The following FER1L5 variants were observed in gnomAD, a reference collection of about 807,000 sequenced individuals.
FER1L5 encodes fer-1 like family member 5.
FER1L5 carries 187 observed loss-of-function variants against 279.9 expected under a neutral mutation model. The observed-to-expected ratio is 0.67, with a 90% CI of 0.59 to 0.75. The LOEUF (loss-of-function observed/expected upper bound fraction) is 0.75. Among genes scored for constraint, FER1L5 ranks in the 30% least tolerant of loss-of-function variants. The pLI is 0.00. For synonymous variants in FER1L5, 921 were observed against 989.7 expected (o/e 0.93, Z 1.30); for missense variants, 2,091 against 2,594.4 (o/e 0.81, Z 4.21).
intron 45 of FER1L5, among the ~76,000 whole-genome samples, 162 bp downstream of exon 45, chr2:96,700,633 G>A (rs1335260989): frequency 1.3e-5 from 2 of 152,198 alleles, no homozygotes; most frequent in African/African-American, 2.4e-5. Flanking sequence ...ACATTAATAA[G>A]CAAGAAGTTC....
Position 96,659,364 on chromosome 2 carries a change from T to TC in FER1L5, c.748-976dup, listed in dbSNP as rs1491129824. On this transcript the variant is annotated intron_variant, in intron 9 of 52. Transcript: ENST00000624922. ...TTCCTTCCTTCCTTCCTTCCTTCCT[T>TC]CTTTCTTTCTTTCTTTCTTTCTTTC... Among the ~76,000 whole-genome samples, 126 of 20,690 alleles carry TC rather than the reference T, an allele frequency of 6.1e-3. 3 individuals are homozygous for TC. The highest frequency in any genetic ancestry group is 7.8e-3 in the East Asian group (3 of 384). The allele number at this position is 20,690 out of a possible 152,430, so 13.6% of individuals were successfully genotyped here.
At position 96,686,232 on chromosome 2, in the gene FER1L5, T is replaced by A; in HGVS notation, c.2111T>A (p.Val704Glu). The change falls in exon 23 of 53, where the codon GTG (valine) becomes GAG (glutamate). Residue 704 changes from valine (V) to glutamate (E), a missense_variant. Transcript: ENST00000624922. Reference protein sequence around the residue: ...MGLPDVMIWLVAKEQRVAYAQ... With the variant: ...MGLPDVMIWLEAKEQRVAYAQ... ...CTCCCTGACGTGATGATTTGGCTGG[T>A]GGCCAAGGAGCAGCGAGTGGCCTAT... 1 of 1,551,342 alleles carries A rather than the reference T, an allele frequency of 6.4e-7. No homozygotes were observed. The highest frequency in any genetic ancestry group is 8.7e-7 in the Non-Finnish European group (1 of 1,146,766).
Position 96,694,242 on chromosome 2 carries a change from T to TG in FER1L5, c.3637-117dup. On this transcript the variant is annotated intron_variant, in intron 33 of 52. Transcript: ENST00000624922. The surrounding 1 kb of genome is among the most constrained non-coding windows in gnomAD (Gnocchi z 4.6). ...GACCAGCCTCTCCCCTAAGTCCCCC[T>TG]GCCAGCCCCTACCCATGGGGCTCTG... 1 of 1,298,960 alleles carries TG rather than the reference T, an allele frequency of 7.7e-7. No homozygotes were observed. The highest frequency in any genetic ancestry group is 1.5e-5 in the South Asian group (1 of 65,306). The allele number at this position is 1,298,960 out of a possible 1,614,324, so 80.5% of individuals were successfully genotyped here. A position where few individuals can be genotyped will look rare whatever the true frequency, so the allele number is the denominator to read the frequency against.
chr2:96,701,915 G>A, intron 45 of FER1L5, 40 bp from the exon 46 acceptor site: 1 of 1,603,860 alleles, frequency 6.2e-7, no homozygotes, highest in East Asian at 2.2e-5. Flanking sequence ...TGAGAACAGA[G>A]GCTAGCAACC....
chr2:96,671,105 T>TAAAAAAAAAAAAAAAA (rs2076308124), intron 18 of FER1L5, among the ~76,000 whole-genome samples: 1 of 6,648 alleles, frequency 1.5e-4, no homozygotes, highest in East Asian at 3.9e-3. Flanking sequence ...AGACTCCATC[T>TAAAAAAAAAAAAAAAA]CAAAAAAAAA....
At chr2:96,650,723 C>T (rs2075324084) in intron 6 of FER1L5, among the ~76,000 whole-genome samples, 3 of 152,174 alleles carry the variant, frequency 2.0e-5, no homozygotes, top group Admixed American at 1.3e-4. Context: ...AACCCTCATC[C>T]CATGGCTTAT....
rs1157881137 is a variant in FER1L5, at chr2:96,669,139, T to A, written c.1362+2T>A. 1 of 1,551,240 alleles carries A rather than the reference T, an allele frequency of 6.4e-7. No homozygotes were observed. The highest frequency in any genetic ancestry group is 8.7e-7 in the Non-Finnish European group (1 of 1,146,894). On this transcript the variant is annotated splice_donor_variant, in intron 17 of 52. Transcript: ENST00000624922. LOFTEE classifies it high-confidence loss of function. ...TTCAGGATCCAGGAAGAAGGCGCTG[T>A]AAGCTTCTCACATCAGCTCTAGGGT... is the stretch of plus-strand genomic sequence containing the variant.
chr2:96,661,305 T>A lies in FER1L5; in HGVS notation c.779-20T>A. On this transcript the variant is annotated intron_variant, in intron 10 of 52. Coordinates refer to ENST00000624922, the MANE Select transcript of FER1L5 (RefSeq NM_001293083.2). ...AAGGAGGCTGCAGGCAGATCTCCCA[T>A]GGCCTTTCTGCCTCTCTAGGTCACA... 6.6e-7 allele frequency: 1 copy of A among 1,504,500 alleles called. No individual in the cohort carries two copies. Among genetic ancestry groups the A allele is most frequent in the Non-Finnish European group, 8.9e-7 (1 of 1,118,458 alleles). The allele number at this position is 1,504,500 out of a possible 1,614,324, so 93.2% of individuals were successfully genotyped here.
chr2:96,662,397 C>G (rs546338980), intron 13 of FER1L5, 130 bp downstream of exon 13: 15 of 838,630 alleles, frequency 1.8e-5, no homozygotes, highest in South Asian at 1.1e-4. Flanking sequence ...AGTATGCACC[C>G]CTGCACCTGG....
In FER1L5 at chr2:96,663,462, A is replaced by G. The variant is rs1188114278; in HGVS notation, c.1095A>G (p.Gln365=). 1.7e-5 allele frequency: 27 copies of G among 1,551,494 alleles called. No homozygotes were observed. Among genetic ancestry groups the G allele is most frequent in the Non-Finnish European group, 2.4e-5 (27 of 1,146,950 alleles). ...GEKLRTHMQT[Q]TDNPIWNQIL... ...AGCTCAGGACACACATGCAGACCCA[A>G]ACCGACAACCCGATATGGAACCAGA... Residue 365 remains glutamine (Q), a synonymous_variant, in exon 14 of 53, where the codon CAA becomes CAG. Transcript: ENST00000624922.
At chr2:96,649,983 G>A (rs934911281) in intron 5 of FER1L5, among the ~76,000 whole-genome samples, 197 bp from the exon 6 acceptor site, 1 of 152,182 alleles carries the variant, frequency 6.6e-6, no homozygotes, top group Non-Finnish European at 1.5e-5. Flanking sequence ...GTGGAGCAGG[G>A]TCCAGGGATC....
Position 96,696,027 on chromosome 2 carries a change from T to C in FER1L5, c.4058-25T>C, listed in dbSNP as rs1463933413. On this transcript the variant is annotated intron_variant, in intron 36 of 52. Coordinates refer to ENST00000624922, the MANE Select transcript of FER1L5 (RefSeq NM_001293083.2). ...CTCAGCCCTCTCCCCATCCTGAGAC[T>C]CGTCCCTGCGCTCTCCCCGCACAGC... is the stretch of plus-strand genomic sequence containing the variant. The C allele has an allele frequency of 2.5e-6, 4 of 1,613,570 alleles. No homozygotes were observed. In the African/African-American group the frequency reaches 4.0e-5, roughly 16 times the overall value.
In FER1L5 at chr2:96,685,318, C is replaced by A. The variant is rs1009334980; in HGVS notation, c.1795-11C>A. ...GGCGGGCTCTCTCACCATTTCTCTC[C>A]TGCTGGGCAGAAAGCCAACCTGGAC... On this transcript the variant is annotated splice_polypyrimidine_tract_variant and intron_variant, in intron 20 of 52. Transcript: ENST00000624922. 1 of 1,550,984 alleles carries A rather than the reference C, an allele frequency of 6.4e-7. No individual in the cohort carries two copies. The highest frequency in any genetic ancestry group is 1.4e-5 in the African/African-American group (1 of 73,016).
At chr2:96,683,218 T>G (rs1458468871) in intron 19 of FER1L5, among the ~76,000 whole-genome samples, 2 of 152,208 alleles carry the variant, frequency 1.3e-5, no homozygotes, top group Non-Finnish European at 2.9e-5. Flanking sequence ...AAACTCATTC[T>G]TTCATAGGTC....
chr2:96,693,627 A>T lies in FER1L5; in HGVS notation c.3414A>T (p.Pro1138=). 1.3e-6 allele frequency: 2 copies of T among 1,551,520 alleles called. No homozygotes were observed. Among genetic ancestry groups the T allele is most frequent in the South Asian group, 2.4e-5 (2 of 84,048 alleles). The part of the protein sequence containing the change: ...IFQHLLLYEN[P]QDTKESPPLV... ...AGCACCTCCTTCTGTACGAGAACCCACAGGACACCAAAGAGAGCCCACCGC... is the reference window on the plus strand; with the variant it reads ...AGCACCTCCTTCTGTACGAGAACCCTCAGGACACCAAAGAGAGCCCACCGC... Residue 1138 remains proline (P), a synonymous_variant, in exon 32 of 53, where the codon CCA becomes CCT. Coordinates refer to ENST00000624922, the MANE Select transcript of FER1L5 (RefSeq NM_001293083.2).
At chr2:96,690,122 T>C (rs544505322) in intron 26 of FER1L5, among the ~76,000 whole-genome samples, 1 of 152,304 alleles carries the variant, frequency 6.6e-6, no homozygotes, top group East Asian at 1.9e-4. Flanking sequence ...GTGTGGCTAT[T>C]GAGTGCTTAA....
chr2:96,650,797 G>A (rs916817900), intron 6 of FER1L5, among the ~76,000 whole-genome samples: 16 of 152,140 alleles, frequency 1.1e-4, no homozygotes, highest in Non-Finnish European at 2.4e-4. Context: ...CTGCTCCCCA[G>A]CCTGCTCCTC....
chr2:96,683,449 G>A (rs974647759), intron 19 of FER1L5, among the ~76,000 whole-genome samples: 4 of 152,000 alleles, frequency 2.6e-5, no homozygotes, highest in Non-Finnish European at 4.4e-5. Flanking sequence ...GTCCTTAAGG[G>A]CCCACCCTGC....
At chr2:96,667,172 G>A (rs1327717235) in intron 14 of FER1L5, among the ~76,000 whole-genome samples, 1 of 151,962 alleles carries the variant, frequency 6.6e-6, no homozygotes, top group Non-Finnish European at 1.5e-5. Flanking sequence ...TGTAGCATGA[G>A]AACTTCAGGA....
Sources: allele counts gnomAD v4.1 joint callset (sites outside exome capture counted in the v4.1 genomes callset), GRCh38; gene constraint gnomAD v4.1.1; non-coding constraint Gnocchi (gnomAD v3.1); transcripts MANE v1.5; gene names NCBI Gene and HGNC (gene_info 2026-07-23, HGNC 2026-07-21).